MYO9B: variants seen among roughly 807,000 people sequenced by gnomAD.
The protein encoded by MYO9B is myosin IXB.
In MYO9B, 71 loss-of-function variants were observed where a neutral mutation model predicts 229.5. The observed-to-expected ratio is 0.31, with a 90% CI of 0.26 to 0.38. The LOEUF (loss-of-function observed/expected upper bound fraction) is 0.38. MYO9B is among the 10% of genes least tolerant of loss of function. MYO9B has a pLI of 1.00. For missense variants in MYO9B, 2,255 were observed against 2,920.5 expected, an observed-to-expected ratio of 0.77 and a Z score of 5.25; for synonymous variants, 1,185 against 1,235.8, an observed-to-expected ratio of 0.96 and a Z score of 0.86.
intron 1 of MYO9B, among the ~76,000 whole-genome samples, chr19:17,096,412 A>G (rs2123504039): frequency 6.6e-6 from 1 of 152,134 alleles, no homozygotes. Context: ...CATGCCTGTA[A>G]TCCCAGGACT....
intron 10 of MYO9B, 96 bp downstream of exon 10, chr19:17,163,218 C>T (rs1206238783): frequency 1.4e-5 from 19 of 1,329,492 alleles, no homozygotes; most frequent in African/African-American, 4.4e-5. Flanking sequence ...TTCAGTTCAG[C>T]GGCGGTAAGT....
At chr19:17,087,761 C>A (rs932827337) in intron 1 of MYO9B, among the ~76,000 whole-genome samples, 2 of 152,086 alleles carry the variant, frequency 1.3e-5, no homozygotes, top group Non-Finnish European at 2.9e-5. Flanking sequence ...GAAACCCTGT[C>A]TCTAGTAAAT....
chr19:17,177,452 C>G (rs1168574750), intron 14 of MYO9B: 1 of 151,884 alleles, frequency 6.6e-6, no homozygotes, highest in Non-Finnish European at 1.5e-5. Context: ...CTCAAGCAAT[C>G]CCCCCACCTC....
rs2072937724 is a variant in MYO9B at position 17,187,979 on chromosome 19, C to G, written c.2622C>G (p.Arg874=). ...ACGAGCTGGTCCTGCAGCAGCTGCG[C>G]TACACCGGCATGCTGGAGACCGTGC... ...FDDELVLQQL[R]YTGMLETVRI... Residue 874 remains arginine, a synonymous_variant, in exon 19 of 40, where the codon CGC becomes CGG. Coordinates refer to ENST00000682292, the MANE Select transcript of MYO9B (RefSeq NM_004145.4). 2.5e-6 allele frequency: 4 copies of G among 1,601,280 alleles called. No individual in the cohort carries two copies. Among genetic ancestry groups the G allele is most frequent in the South Asian group, 1.1e-5 (1 of 88,614 alleles).
At chr19:17,169,804 T>TC (rs2072702128) in intron 11 of MYO9B, among the ~76,000 whole-genome samples, 1 of 55,246 alleles carries the variant, frequency 1.8e-5, no homozygotes, top group South Asian at 5.6e-4. Flanking sequence ...GTCTCCTCCT[T>TC]TTTTTTTTTT....
At chr19:17,098,345 G>A (rs1421588919) in intron 1 of MYO9B, among the ~76,000 whole-genome samples, 4 of 152,170 alleles carry the variant, frequency 2.6e-5, no homozygotes, top group East Asian at 1.9e-4. Flanking sequence ...GTGAGCGACC[G>A]CGCCTGGTCT....
chr19:17,165,248 C>T (rs973721220), intron 10 of MYO9B, among the ~76,000 whole-genome samples: 1 of 151,784 alleles, frequency 6.6e-6, no homozygotes, highest in Non-Finnish European at 1.5e-5. Context: ...GTAGTCCCAA[C>T]TACTGAGGAG....
chr19:17,145,571 T>C, intron 3 of MYO9B, 80 bp downstream of exon 3: 1 of 1,207,784 alleles, frequency 8.3e-7, no homozygotes, highest in South Asian at 1.2e-5. Context: ...GGGAGTGAGA[T>C]GTGGAGATCA....
Position 17,185,848 on chromosome 19 carries a change from A to C in MYO9B, c.2497-73A>C, listed in dbSNP as rs972438213. ...CCCCACACTGATGCTAGAGTGTCCC[A>C]GGTCTGCTCCCACAGAACAGCGGCT... On this transcript the variant is annotated intron_variant, in intron 17 of 39. Coordinates refer to ENST00000682292, the MANE Select transcript of MYO9B (RefSeq NM_004145.4). The C allele has an allele frequency of 4.9e-6, 6 of 1,219,702 alleles. No individual in the cohort carries two copies. In the Admixed American group the frequency reaches 1.0e-4, roughly 21 times the overall value. 75.6% of individuals were successfully genotyped at this position (1,219,702 alleles called of 1,614,324 possible).
chr19:17,083,979 G>A (rs1331181260), intron 1 of MYO9B, among the ~76,000 whole-genome samples: 3 of 152,154 alleles, frequency 2.0e-5, no homozygotes, highest in East Asian at 3.9e-4. Flanking sequence ...AAGTGAATGG[G>A]GAAGGAGAGA....
intron 2 of MYO9B, among the ~76,000 whole-genome samples, chr19:17,125,296 A>AG (rs1568262305): frequency 2.4e-5 from 1 of 42,538 alleles, no homozygotes; most frequent in Admixed American, 2.2e-4. Context: ...GTAAAACCCC[A>AG]TCCCCCCCCC....
At chr19:17,148,439 A>G (rs2145251095) in intron 3 of MYO9B, among the ~76,000 whole-genome samples, 1 of 152,292 alleles carries the variant, frequency 6.6e-6, no homozygotes, top group Non-Finnish European at 1.5e-5. Context: ...GTCGGATATC[A>G]AGGTGTCCAC....
intron 3 of MYO9B, among the ~76,000 whole-genome samples, chr19:17,151,801 G>A (rs1200566153): frequency 1.3e-5 from 2 of 152,160 alleles, no homozygotes; most frequent in Non-Finnish European, 2.9e-5. Context: ...GGGAGGTTGA[G>A]GTGGGAAGAT....
intron 37 of MYO9B, 82 bp downstream of exon 37, chr19:17,210,462 G>C: frequency 6.9e-7 from 1 of 1,450,082 alleles, no homozygotes; most frequent in African/African-American, 1.4e-5. Context: ...TGGGCCCCTC[G>C]TAGGATAGAC....
At chr19:17,178,491 A>G (rs946327039) in intron 14 of MYO9B, 6 of 151,618 alleles carry the variant, frequency 4.0e-5, no homozygotes, top group Non-Finnish European at 5.9e-5. Flanking sequence ...AAAAAAAAAA[A>G]GCAGGAAAAA....
In MYO9B at chr19:17,102,368, G is replaced by A. The variant is rs755111633; in HGVS notation, c.651G>A (p.Ala217=). The A allele has an allele frequency of 4.5e-5, 73 of 1,613,882 alleles. No individual in the cohort carries two copies. The highest frequency in any genetic ancestry group is 5.2e-5 in the Non-Finnish European group (61 of 1,179,900). ...QLGKLEPHVF[A]LADVAYYTML... ...GCAAGCTGGAGCCACACGTCTTCGC[G>A]CTGGCCGACGTGGCCTACTACACCA... The change falls in exon 2 of 40, where the codon GCG becomes GCA. Residue 217 remains alanine (A), a synonymous_variant. Coordinates refer to ENST00000682292, the MANE Select transcript of MYO9B (RefSeq NM_004145.4).
intron 10 of MYO9B, among the ~76,000 whole-genome samples, chr19:17,164,117 C>T (rs2072634185): frequency 1.3e-5 from 2 of 152,280 alleles, no homozygotes; most frequent in East Asian, 3.9e-4. Context: ...GCACACCCAG[C>T]CCAAAGGGAA....
At chr19:17,207,298 CCA>C (rs1662234051) in intron 35 of MYO9B, 54 bp downstream of exon 35, 1 of 1,562,086 alleles carries the variant, frequency 6.4e-7, no homozygotes, top group Non-Finnish European at 8.7e-7. Context: ...ACCCAGGACC[CCA>C]CGACAGCTCC....
intron 2 of MYO9B, among the ~76,000 whole-genome samples, chr19:17,115,818 T>C (rs1397530435): frequency 6.6e-6 from 1 of 151,718 alleles, no homozygotes. Flanking sequence ...CCAAATGTAA[T>C]GAAAGCAGCT....
Sources: allele counts gnomAD v4.1 joint callset (sites outside exome capture counted in the v4.1 genomes callset), GRCh38; gene constraint gnomAD v4.1.1; transcripts MANE v1.5; gene names NCBI Gene and HGNC (gene_info 2026-07-23, HGNC 2026-07-21).